RBFOX3: variants seen among roughly 807,000 people sequenced by gnomAD.
RBFOX3 encodes the protein RNA binding protein fox-1 homolog 3.
Under a neutral mutation model 48.7 loss-of-function variants are expected in RBFOX3, and 17 were observed. That is an observed-to-expected ratio of 0.35 (90% CI 0.24 to 0.52). The LOEUF (loss-of-function observed/expected upper bound fraction) is 0.52, where lower values mean the gene tolerates loss of function less well. RBFOX3 is among the 20% of genes least tolerant of loss of function. The probability of loss-of-function intolerance (pLI) is 0.94; values close to 1 mark genes in which losing one functional copy is unlikely to be tolerated. For missense variants in RBFOX3, 382 were observed against 497.5 expected, an observed-to-expected ratio of 0.77 and a Z score of 2.21; for synonymous variants, 212 against 209.5, an observed-to-expected ratio of 1.01 and a Z score of -0.10.
intron 4 of RBFOX3, among the ~76,000 whole-genome samples, chr17:79,201,391 T>C (rs146028265): frequency 2.0e-4 from 31 of 152,304 alleles, no homozygotes; most frequent in East Asian, 1.5e-3. Context: ...ACCCCGGCAG[T>C]GGCAGACTGT....
At chr17:79,576,507 T>C (rs1165090032) in intron 1 of RBFOX3, among the ~76,000 whole-genome samples, 1 of 134,660 alleles carries the variant, frequency 7.4e-6, no homozygotes, top group Non-Finnish European at 1.6e-5. Context: ...GATGGAAAAG[T>C]TGGAGATGAT....
intron 2 of RBFOX3, among the ~76,000 whole-genome samples, chr17:79,476,278 G>A (rs2077734812): frequency 6.6e-6 from 1 of 152,200 alleles, no homozygotes; most frequent in African/African-American, 2.4e-5. Flanking sequence ...TGGGGAACTC[G>A]CCCACAGCGC....
intron 1 of RBFOX3, among the ~76,000 whole-genome samples, chr17:79,571,455 G>A (rs969587926): frequency 3.9e-5 from 6 of 151,984 alleles, no homozygotes; most frequent in East Asian, 1.9e-4. Flanking sequence ...AGTCTTCCTC[G>A]AGGCCCCATC....
chr17:79,571,110 G>A (rs920110941), intron 1 of RBFOX3, among the ~76,000 whole-genome samples: 2,057 of 152,280 alleles, frequency 0.014, 10 homozygotes, highest in Non-Finnish European at 0.019. Flanking sequence ...CATTTAACTC[G>A]TTGAAAAGGA....
intron 1 of RBFOX3, among the ~76,000 whole-genome samples, chr17:79,489,532 C>T (rs1439033132): frequency 6.6e-6 from 1 of 152,208 alleles, no homozygotes; most frequent in Non-Finnish European, 1.5e-5. Flanking sequence ...TGAGCTCAAG[C>T]GATCCACCCA....
At chr17:79,375,764 A>T (rs1419912491) in intron 2 of RBFOX3, among the ~76,000 whole-genome samples, 3 of 152,190 alleles carry the variant, frequency 2.0e-5, no homozygotes, top group Non-Finnish European at 4.4e-5. Flanking sequence ...GGGGCCGCTG[A>T]GCCCAGAGGC....
chr17:79,193,592 A>G (rs1056785513), intron 4 of RBFOX3, among the ~76,000 whole-genome samples: 1 of 152,246 alleles, frequency 6.6e-6, no homozygotes, highest in East Asian at 1.9e-4. Context: ...AGAAGGATGC[A>G]GTGGTTAAAA....
intron 3 of RBFOX3, among the ~76,000 whole-genome samples, chr17:79,296,729 T>C (rs2074405505): frequency 6.9e-6 from 1 of 144,076 alleles, no homozygotes; most frequent in East Asian, 2.2e-4. Context: ...CCTCCTCCTG[T>C]CTTCTCCTCT....
chr17:79,572,448 C>T (rs1291278580), intron 1 of RBFOX3, among the ~76,000 whole-genome samples: 2 of 152,022 alleles, frequency 1.3e-5, no homozygotes, highest in Non-Finnish European at 2.9e-5. Flanking sequence ...TGGATGAAGC[C>T]GAGGCCGATC....
At position 79,252,915 on chromosome 17, in the gene RBFOX3, G is replaced by A. The variant is rs1003993496; in HGVS notation, c.-73-17110C>T. Among the ~76,000 whole-genome samples, 8 of 150,172 alleles carry A rather than the reference G, an allele frequency of 5.3e-5. No homozygotes were observed. The highest frequency in any genetic ancestry group is 1.5e-4 in the African/African-American group (6 of 40,972). On this transcript the variant is annotated intron_variant, in intron 3 of 14. Coordinates refer to ENST00000693108, the MANE Select transcript of RBFOX3 (RefSeq NM_001350451.2). The surrounding 1 kb of genome is among the most constrained non-coding windows in gnomAD (Gnocchi z 4.0). ...CCACCCTTCCCCCTCTATCCCGCCC[G>A]GCAAGCCCCAGCCCCCTAAACCCGC...
rs182906258 is a variant in RBFOX3, at chr17:79,270,304, C to T, written c.-73-34499G>A. ...CCTTGCCTCTCTCCTGAGTTCAGAA[C>T]CATCTCTGCAGGTGTACTGACCTGT... On this transcript the variant is annotated intron_variant, in intron 3 of 14. Transcript: ENST00000693108. Among the ~76,000 whole-genome samples, 51 of 152,322 alleles carry T rather than the reference C, an allele frequency of 3.3e-4. No homozygotes were observed. In the East Asian group the frequency reaches 9.6e-3, roughly 29 times the overall value.
At chr17:79,647,615 A>G in the RBFOX3 span, among the ~76,000 whole-genome samples, 1 of 152,032 alleles carries the variant, frequency 6.6e-6, no homozygotes, top group South Asian at 2.1e-4. Flanking sequence ...GCCTGGGGCC[A>G]TCCCACATCT....
chr17:79,116,594 C>G (rs1174507820), intron 4 of RBFOX3, among the ~76,000 whole-genome samples: 1 of 152,270 alleles, frequency 6.6e-6, no homozygotes, highest in Non-Finnish European at 1.5e-5. Flanking sequence ...ACCTGGATCC[C>G]TGGAAGTGAC....
At chr17:79,167,293 A>C (rs975173412) in intron 4 of RBFOX3, among the ~76,000 whole-genome samples, 1 of 136,128 alleles carries the variant, frequency 7.3e-6, no homozygotes, top group African/African-American at 3.2e-5. Flanking sequence ...TTCTCTCCCC[A>C]GGGTCTCCAT....
rs916742052 is a variant in RBFOX3, at chr17:79,299,622, G to A, written c.-74+8102C>T. ...AGCATCGTCAGATCGTGGGGTTTTT[G>A]GAACTAACCCCCTGAGGATACCAAC... On this transcript the variant is annotated intron_variant, in intron 3 of 14. Transcript: ENST00000693108. The surrounding 1 kb of genome is among the most constrained non-coding windows in gnomAD (Gnocchi z 4.5). Among the ~76,000 whole-genome samples, 1 of 152,134 alleles carries A rather than the reference G, an allele frequency of 6.6e-6. No individual in the cohort carries two copies. The highest frequency in any genetic ancestry group is 6.5e-5 in the Admixed American group (1 of 15,278).
chr17:79,094,561 GA>G (rs1485232866), intron 13 of RBFOX3, 32 bp from the exon 14 acceptor site: 7 of 478,440 alleles, frequency 1.5e-5, no homozygotes, highest in Admixed American at 1.3e-4. Context: ...GGAGTGGGAG[GA>G]GGGTGGGGGA....
At chr17:79,658,105 G>A in the RBFOX3 span, among the ~76,000 whole-genome samples, 1 of 152,148 alleles carries the variant, frequency 6.6e-6, no homozygotes, top group Non-Finnish European at 1.5e-5. Context: ...TTTACTCGTG[G>A]TTTTTTTAAG....
intron 5 of RBFOX3, among the ~76,000 whole-genome samples, chr17:79,108,025 C>T (rs1260271653): frequency 6.6e-6 from 1 of 152,258 alleles, no homozygotes; most frequent in Non-Finnish European, 1.5e-5. Flanking sequence ...GCCTTCCCGC[C>T]TCAATTCCAT....
chr17:79,123,143 G>C (rs1387980428), intron 4 of RBFOX3, among the ~76,000 whole-genome samples: 2 of 152,078 alleles, frequency 1.3e-5, no homozygotes, highest in Non-Finnish European at 1.5e-5. Flanking sequence ...CCTACTATTT[G>C]ATGGTATAAC....
Sources: allele counts gnomAD v4.1 joint callset (sites outside exome capture counted in the v4.1 genomes callset), GRCh38; gene constraint gnomAD v4.1.1; non-coding constraint Gnocchi (gnomAD v3.1); transcripts MANE v1.5; gene names NCBI Gene and HGNC (gene_info 2026-07-23, HGNC 2026-07-21).